The following AGMO variants were observed in gnomAD, a reference collection of about 807,000 sequenced individuals.
AGMO encodes the protein glyceryl-ether monooxygenase.
In AGMO, 75 loss-of-function variants were observed where a neutral mutation model predicts 60.2. The observed-to-expected ratio is 1.25, with a 90% CI of 1.03 to 1.51. The LOEUF (loss-of-function observed/expected upper bound fraction) is 1.51. Among genes scored for constraint, AGMO ranks in the 40% most tolerant of loss-of-function variants. The pLI, the probability that AGMO is intolerant of heterozygous loss-of-function variation, is 0.00. For synonymous variants in AGMO, 261 were observed against 177.1 expected (o/e 1.47, Z -3.76); for missense variants, 763 against 525.5 (o/e 1.45, Z -4.42).
At chr7:15,312,879 G>A (rs1450972113) in intron 12 of AGMO, among the ~76,000 whole-genome samples, 1 of 151,990 alleles carries the variant, frequency 6.6e-6, no homozygotes, top group Non-Finnish European at 1.5e-5. Flanking sequence ...ATGTTGCCCA[G>A]GATGGTCTCA....
chr7:15,442,092 C>T (rs1781572948), intron 3 of AGMO, among the ~76,000 whole-genome samples: 1 of 152,150 alleles, frequency 6.6e-6, no homozygotes, highest in African/African-American at 2.4e-5. Flanking sequence ...CTGTGTGTCC[C>T]CTGAAAGTGC....
At chr7:15,297,542 A>C (rs1444156635) in intron 12 of AGMO, among the ~76,000 whole-genome samples, 1 of 152,166 alleles carries the variant, frequency 6.6e-6, no homozygotes, top group African/African-American at 2.4e-5. Context: ...CTACAGAGTA[A>C]ATCACAGAAA....
At chr7:15,242,425 C>T (rs1317473109) in intron 12 of AGMO, among the ~76,000 whole-genome samples, 2 of 152,066 alleles carry the variant, frequency 1.3e-5, no homozygotes, top group African/African-American at 4.8e-5. Context: ...TATTTTTTAA[C>T]CACAGTGTTT....
At chr7:15,136,681 A>T in the AGMO span, among the ~76,000 whole-genome samples, 1,589 of 150,734 alleles carry the variant, frequency 0.011, 21 homozygotes, top group African/African-American at 0.035. Context: ...TTTATGCCAC[A>T]TTTTTTTTTG....
chr7:15,317,977 C>CAT (rs1780990287), intron 12 of AGMO, among the ~76,000 whole-genome samples: 2 of 143,004 alleles, frequency 1.4e-5, no homozygotes, highest in African/African-American at 2.8e-5. Context: ...TACACACACA[C>CAT]GTATATATAT....
intron 12 of AGMO, among the ~76,000 whole-genome samples, chr7:15,239,517 G>A: frequency 6.6e-6 from 1 of 152,084 alleles, no homozygotes; most frequent in East Asian, 1.9e-4. Context: ...TGTCTTCAAT[G>A]TCCAACAGTG....
chr7:15,464,190 T>C (rs1393811790), intron 3 of AGMO, among the ~76,000 whole-genome samples: 1 of 152,224 alleles, frequency 6.6e-6, no homozygotes, highest in Non-Finnish European at 1.5e-5. Flanking sequence ...TTCTTGTTTC[T>C]GCAGTGCTGT....
At chr7:15,549,343 A>G (rs1363279596) in intron 2 of AGMO, among the ~76,000 whole-genome samples, 1 of 151,922 alleles carries the variant, frequency 6.6e-6, no homozygotes, top group Non-Finnish European at 1.5e-5. Context: ...AAATGGACTA[A>G]ATGCTCCAGT....
At chr7:15,431,672 A>G (rs1051208681) in intron 3 of AGMO, among the ~76,000 whole-genome samples, 1 of 151,912 alleles carries the variant, frequency 6.6e-6, no homozygotes, top group Non-Finnish European at 1.5e-5. Flanking sequence ...TCTTTTATTT[A>G]TAAAAAGATA....
intron 10 of AGMO, among the ~76,000 whole-genome samples, chr7:15,374,485 C>T (rs962835567): frequency 2.0e-5 from 3 of 151,800 alleles, no homozygotes; most frequent in Non-Finnish European, 4.4e-5. Flanking sequence ...TTTATAAATA[C>T]CAAAATATTA....
chr7:15,300,494 T>C (rs560171266), intron 12 of AGMO, among the ~76,000 whole-genome samples: 1 of 151,866 alleles, frequency 6.6e-6, no homozygotes, highest in African/African-American at 2.4e-5. Context: ...TTAATTAAGG[T>C]GAAGAAAACT....
At chr7:15,283,911 A>T (rs567559710) in intron 12 of AGMO, among the ~76,000 whole-genome samples, 39 of 152,228 alleles carry the variant, frequency 2.6e-4, no homozygotes, top group African/African-American at 8.7e-4. Flanking sequence ...TAAAACTAGA[A>T]ATCAACTCCA....
chr7:15,215,856 T>C (rs1386002767), intron 12 of AGMO, among the ~76,000 whole-genome samples: 1 of 152,066 alleles, frequency 6.6e-6, no homozygotes, highest in African/African-American at 2.4e-5. Context: ...AGTTTTTCTC[T>C]AGAGACAGGA....
intron 5 of AGMO, among the ~76,000 whole-genome samples, chr7:15,407,561 G>A (rs1784739601): frequency 6.6e-6 from 1 of 151,624 alleles, no homozygotes; most frequent in South Asian, 2.1e-4. Flanking sequence ...ATTCAGGGTA[G>A]TAGCAAATAT....
At chr7:15,310,917 G>A (rs373574069) in intron 12 of AGMO, among the ~76,000 whole-genome samples, 26 of 152,066 alleles carry the variant, frequency 1.7e-4, no homozygotes, top group East Asian at 9.7e-4. Context: ...TTCCATCTTC[G>A]CAGGAGTAAT....
chr7:15,344,104 G>A (rs1029029538), intron 12 of AGMO, among the ~76,000 whole-genome samples: 1 of 152,068 alleles, frequency 6.6e-6, no homozygotes, highest in Non-Finnish European at 1.5e-5. Flanking sequence ...AGTAAATCAA[G>A]AATTTCTTGA....
chr7:15,352,056 A>C (rs976012631), intron 12 of AGMO, among the ~76,000 whole-genome samples: 12 of 152,202 alleles, frequency 7.9e-5, no homozygotes, highest in Non-Finnish European at 1.6e-4. Flanking sequence ...GACTCTTGTC[A>C]AGCAGTTAAT....
chr7:15,389,306 G>GTCTA (rs10644312), intron 8 of AGMO, among the ~76,000 whole-genome samples: 79,686 of 151,602 alleles, frequency 0.53, 21,285 homozygotes, highest in Middle Eastern at 0.65. Context: ...AGATGAAGGT[G>GTCTA]TCTCTTTTTT....
intron 3 of AGMO, among the ~76,000 whole-genome samples, chr7:15,462,228 A>G (rs908095498): frequency 6.6e-5 from 10 of 152,150 alleles, no homozygotes; most frequent in African/African-American, 2.4e-4. Context: ...TATGCATCAC[A>G]CACTATTTTA....
Sources: allele counts gnomAD v4.1 joint callset (sites outside exome capture counted in the v4.1 genomes callset), GRCh38; gene constraint gnomAD v4.1.1; transcripts MANE v1.5; gene names NCBI Gene and HGNC (gene_info 2026-07-23, HGNC 2026-07-21).